Variants in ADAMTSL1 observed in about 807,000 individuals in gnomAD.
ADAMTSL1 encodes ADAMTS-like protein 1.
A neutral mutation model predicts 201.8 loss-of-function variants in ADAMTSL1; 126 were observed. That is an observed-to-expected ratio of 0.62 (90% CI 0.54 to 0.72). ADAMTSL1 has a LOEUF of 0.72. Among genes scored for constraint, ADAMTSL1 ranks in the 30% least tolerant of loss-of-function variants. The pLI, the probability that ADAMTSL1 is intolerant of heterozygous loss-of-function variation, is 0.00. For synonymous variants in ADAMTSL1, 1,121 were observed against 903.4 expected (o/e 1.24, Z -4.32); for missense variants, 2,679 against 2,277.8 (o/e 1.18, Z -3.59).
chr9:18,731,460 G>A (rs576628613), intron 15 of ADAMTSL1, among the ~76,000 whole-genome samples: 9 of 151,748 alleles, frequency 5.9e-5, no homozygotes, highest in Non-Finnish European at 1.0e-4. Flanking sequence ...GTGAAACCCT[G>A]TCTCTACAAA....
At chr9:18,864,718 A>T (rs1477000433) in intron 23 of ADAMTSL1, among the ~76,000 whole-genome samples, 1 of 152,188 alleles carries the variant, frequency 6.6e-6, no homozygotes. Context: ...ACAGAAGCCA[A>T]TGTAAAATCA....
rs776756001 is a variant in ADAMTSL1 at position 18,734,278 on chromosome 9, T to C, written c.2006+12613T>C. Among the ~76,000 whole-genome samples, 115 of 152,168 alleles carry C rather than the reference T, an allele frequency of 7.6e-4. 1 individual carries two copies. The highest frequency in any genetic ancestry group is 1.6e-3 in the Admixed American group (24 of 15,282). ...TATCTTTGTAAGAAGCAGTCCTTGA[T>C]TGGAGGATGTAGGTGATCTGTGTGT... On this transcript the variant is annotated intron_variant, in intron 15 of 28. Coordinates refer to ENST00000380548, the MANE Select transcript of ADAMTSL1 (RefSeq NM_001040272.6).
At chr9:18,003,936 A>G (rs1472778998) in intron 1 of ADAMTSL1, among the ~76,000 whole-genome samples, 3 of 152,034 alleles carry the variant, frequency 2.0e-5, no homozygotes, top group Non-Finnish European at 4.4e-5. Flanking sequence ...TCATGGCCTT[A>G]AAGAGTCAAC....
At chr9:18,542,902 T>C (rs77402264) in intron 3 of ADAMTSL1, among the ~76,000 whole-genome samples, 6,648 of 152,272 alleles carry the variant, frequency 0.044, 479 homozygotes, top group African/African-American at 0.15. Flanking sequence ...TTCTCCTGAT[T>C]GTTTTGCCAA....
chr9:18,219,619 T>C (rs2132352214), intron 2 of ADAMTSL1, among the ~76,000 whole-genome samples: 1 of 152,204 alleles, frequency 6.6e-6, no homozygotes, highest in South Asian at 2.1e-4. Context: ...TCTGCCCACC[T>C]TGGCCTGGGA....
chr9:18,548,508 A>G (rs1337020928), intron 3 of ADAMTSL1, among the ~76,000 whole-genome samples: 1 of 152,098 alleles, frequency 6.6e-6, no homozygotes, highest in Non-Finnish European at 1.5e-5. Flanking sequence ...TGTGAGTTTC[A>G]TGTTAATGAA....
intron 2 of ADAMTSL1, among the ~76,000 whole-genome samples, chr9:18,332,281 A>G (rs911661303): frequency 1.3e-5 from 2 of 152,224 alleles, no homozygotes; most frequent in African/African-American, 4.8e-5. Flanking sequence ...TGAGAGTCCT[A>G]TAAAGTTTTT....
intron 1 of ADAMTSL1, among the ~76,000 whole-genome samples, chr9:17,929,239 C>T (rs747136479): frequency 2.6e-5 from 4 of 152,106 alleles, no homozygotes; most frequent in Non-Finnish European, 5.9e-5. Flanking sequence ...TGATTTCCTG[C>T]CGCCTTTACA....
intron 23 of ADAMTSL1, among the ~76,000 whole-genome samples, chr9:18,844,327 G>A (rs185817117): frequency 5.3e-5 from 8 of 152,218 alleles, no homozygotes; most frequent in Admixed American, 5.2e-4. Context: ...CTAGGTACCA[G>A]CAGCGGTGGC....
intron 3 of ADAMTSL1, among the ~76,000 whole-genome samples, chr9:18,542,961 G>A (rs971022192): frequency 7.2e-5 from 11 of 152,172 alleles, no homozygotes; most frequent in Middle Eastern, 3.4e-3. Context: ...CCTCATTTCC[G>A]GCAGAACTGC....
chr9:18,274,638 A>G (rs1294551547), intron 2 of ADAMTSL1, among the ~76,000 whole-genome samples: 1 of 152,196 alleles, frequency 6.6e-6, no homozygotes. Flanking sequence ...AATTTTTATT[A>G]TATAATAAGT....
chr9:18,038,411 C>CATTT (rs1391603999), intron 1 of ADAMTSL1, among the ~76,000 whole-genome samples: 1 of 152,106 alleles, frequency 6.6e-6, no homozygotes, highest in East Asian at 1.9e-4. Flanking sequence ...ATCAAGAAGG[C>CATTT]CCTAACCTCC....
At chr9:18,466,184 T>C (rs145714885) in intron 2 of ADAMTSL1, among the ~76,000 whole-genome samples, 250 of 152,316 alleles carry the variant, frequency 1.6e-3, no homozygotes, top group African/African-American at 5.9e-3. Context: ...GAAAACAGTT[T>C]TGGATTTTAA....
chr9:18,703,697 C>CATATATATATATATAT (rs1832056802), intron 13 of ADAMTSL1, among the ~76,000 whole-genome samples: 1 of 31,016 alleles, frequency 3.2e-5, no homozygotes. Context: ...TGCATGCGCA[C>CATATATATATATATAT]ATACATATAT....
intron 2 of ADAMTSL1, among the ~76,000 whole-genome samples, chr9:18,288,600 A>G (rs1321607797): frequency 6.6e-6 from 1 of 152,204 alleles, no homozygotes; most frequent in Non-Finnish European, 1.5e-5. Context: ...CCAGGAAGGC[A>G]AGAAGGCAGG....
chr9:18,673,568 G>A (rs551045540), intron 9 of ADAMTSL1, among the ~76,000 whole-genome samples: 6 of 152,262 alleles, frequency 3.9e-5, no homozygotes, highest in African/African-American at 1.4e-4. Context: ...TCAACGTCTT[G>A]AATTTTGTAC....
intron 2 of ADAMTSL1, among the ~76,000 whole-genome samples, chr9:18,213,286 A>G (rs1051522638): frequency 1.3e-5 from 2 of 152,144 alleles, no homozygotes; most frequent in Admixed American, 1.3e-4. Flanking sequence ...GGGAAAACAT[A>G]TTTGTAGGAT....
At chr9:18,673,725 T>G (rs1227668060) in intron 9 of ADAMTSL1, among the ~76,000 whole-genome samples, 3 of 152,168 alleles carry the variant, frequency 2.0e-5, no homozygotes, top group Non-Finnish European at 4.4e-5. Flanking sequence ...GCCATAAATT[T>G]TTTCAGGAGA....
chr9:18,312,375 G>T (rs771405649), intron 2 of ADAMTSL1, among the ~76,000 whole-genome samples: 1 of 152,176 alleles, frequency 6.6e-6, no homozygotes, highest in Admixed American at 6.5e-5. Flanking sequence ...TGTTGGATGG[G>T]TATTAAGTGC....
Sources: gnomAD v4.1 joint callset for allele counts (sites outside exome capture counted in the v4.1 genomes callset) on GRCh38, gnomAD v4.1.1 for gene constraint, MANE v1.5 for transcripts, NCBI Gene and HGNC (gene_info 2026-07-23, HGNC 2026-07-21) for gene names.